The following LHX5 variants were observed in gnomAD, a reference collection of about 807,000 sequenced individuals.
The protein encoded by LHX5 is LIM/homeobox protein Lhx5.
In LHX5, 5 loss-of-function variants were observed where a neutral mutation model predicts 30.6. The ratio of observed to expected loss-of-function variants is 0.16; its 90% CI spans 0.09 to 0.34. The LOEUF (loss-of-function observed/expected upper bound fraction) is 0.34, where lower values mean the gene tolerates loss of function less well. LHX5 is among the 10% of genes least tolerant of loss of function. The probability of loss-of-function intolerance (pLI) is 1.00; values close to 1 mark genes in which losing one functional copy is unlikely to be tolerated. For synonymous variants in LHX5, 266 were observed against 252.6 expected (o/e 1.05, Z -0.50); for missense variants, 458 against 570.6 (o/e 0.80, Z 2.01).
Position 113,463,095 on chromosome 12 carries a change from G to C in LHX5, c.*95C>G, listed in dbSNP as rs1460638065. The C allele has an allele frequency of 4.6e-6, 5 of 1,075,996 alleles. No individual in the cohort carries two copies. In the African/African-American group the frequency reaches 8.5e-5, roughly 18 times the overall value. The allele number at this position is 1,075,996 out of a possible 1,614,324, so 66.7% of individuals were successfully genotyped here. On this transcript the variant is annotated 3_prime_UTR_variant, in exon 5 of 5. Transcript: ENST00000261731. The surrounding 1 kb of genome is among the most constrained non-coding windows in gnomAD (Gnocchi z 6.7). ...GAGAGAACCCCCGAGGGACACCCAC[G>C]TCTCCCACCGCGTCTGCGTCGGGCG...
Position 113,469,324 on chromosome 12 carries a change from G to A in LHX5, c.195C>T (p.Ala65=), listed in dbSNP as rs1421829792. The part of the protein sequence containing the change: ...DFFRRFGTKC[A]GCAQGISPSD... Reference sequence around the variant, plus strand: ...TGGGCGAGATGCCTTGCGCGCAGCCGGCGCATTTCGTGCCAAAGCGCCTGT... The same window carrying A: ...TGGGCGAGATGCCTTGCGCGCAGCCAGCGCATTTCGTGCCAAAGCGCCTGT... The change falls in exon 2 of 5, where the codon GCC becomes GCT. Residue 65 remains alanine (A), a synonymous_variant. Coordinates refer to ENST00000261731, the MANE Select transcript of LHX5 (RefSeq NM_022363.3). 6.2e-7 allele frequency: 1 copy of A among 1,613,364 alleles called. No homozygotes were observed. The highest frequency in any genetic ancestry group is 1.1e-5 in the South Asian group (1 of 91,038).
intron 3 of LHX5, 123 bp downstream of exon 3, chr12:113,468,004 C>A: frequency 7.6e-7 from 1 of 1,323,768 alleles, no homozygotes; most frequent in Non-Finnish European, 1.0e-6. Context: ...CTCGGGCGCA[C>A]GGTCTGCTCC....
chr12:113,469,887 C>G (rs1467206373), intron 1 of LHX5, among the ~76,000 whole-genome samples: 3 of 152,264 alleles, frequency 2.0e-5, no homozygotes, highest in Admixed American at 6.5e-5. Flanking sequence ...GAACCTTCCA[C>G]TGATTTCCAG....
Position 113,467,844 on chromosome 12 carries a change from C to G in LHX5, c.675+283G>C, listed in dbSNP as rs1301616275. Among the ~76,000 whole-genome samples the G allele has an allele frequency of 2.0e-5, 3 of 152,230 alleles. No homozygotes were observed. The highest frequency in any genetic ancestry group is 7.2e-5 in the African/African-American group (3 of 41,460). ...GTGGAGGTAAAGAGGGATCCCGGAC[C>G]CCAGAGAGGCTTACAACCTTCCATA... On this transcript the variant is annotated intron_variant, in intron 3 of 4. Coordinates refer to ENST00000261731, the MANE Select transcript of LHX5 (RefSeq NM_022363.3). The surrounding 1 kb of genome is among the most constrained non-coding windows in gnomAD (Gnocchi z 6.3).
chr12:113,463,407 G>C lies in LHX5; in HGVS notation c.992C>G (p.Ala331Gly), dbSNP rs769922418. ...TPLGALEPPL[A>G]GPHAADNPRF... ...GGGGTTGTCCGCGGCGTGCGGGCCG[G>C]CGAGCGGCGGTTCCAGCGCTCCCAG... is the stretch of plus-strand genomic sequence containing the variant. The change falls in exon 5 of 5, where the codon GCC becomes GGC. Residue 331 changes from alanine (A) to glycine (G), a missense_variant. Transcript: ENST00000261731. The surrounding 1 kb of genome is among the most constrained non-coding windows in gnomAD (Gnocchi z 6.7). 5.2e-6 allele frequency: 8 copies of C among 1,553,112 alleles called. No homozygotes were observed. The highest frequency in any genetic ancestry group is 7.0e-6 in the Non-Finnish European group (8 of 1,150,882).
rs945070292 is a variant in LHX5 at position 113,463,038 on chromosome 12, G to A, written c.*152C>T. ...GTCGGCCCCCCCTCGGCGCCCAGCC[G>A]AGGAGCAGCTGCCAGTTGAGTGCGG... On this transcript the variant is annotated 3_prime_UTR_variant, in exon 5 of 5. Coordinates refer to ENST00000261731, the MANE Select transcript of LHX5 (RefSeq NM_022363.3). The surrounding 1 kb of genome is among the most constrained non-coding windows in gnomAD (Gnocchi z 6.7). 6.7e-5 allele frequency: 46 copies of A among 689,820 alleles called. No individual in the cohort carries two copies. The highest frequency in any genetic ancestry group is 5.8e-5 in the Non-Finnish European group (26 of 448,910). 42.7% of individuals were successfully genotyped at this position (689,820 alleles called of 1,614,324 possible). A position where few individuals can be genotyped will look rare whatever the true frequency, so the allele number is the denominator to read the frequency against.
In LHX5 at chr12:113,467,793, G is replaced by A. The variant is rs767482027; in HGVS notation, c.675+334C>T. Among the ~76,000 whole-genome samples the A allele has an allele frequency of 1.3e-5, 2 of 152,260 alleles. No homozygotes were observed. The highest frequency in any genetic ancestry group is 2.9e-5 in the Non-Finnish European group (2 of 68,042). ...GCGCTTCGGCGCAGGGAGGGAGGGG[G>A]CATCGCCTGTTTCTCTGCTCGAAAG... On this transcript the variant is annotated intron_variant, in intron 3 of 4. Coordinates refer to ENST00000261731, the MANE Select transcript of LHX5 (RefSeq NM_022363.3). This position sits in a 1 kb window ranked among gnomAD's most constrained non-coding sequence, Gnocchi z 6.3.
In LHX5 at chr12:113,464,530, G is replaced by A. The variant is rs1301039491; in HGVS notation, c.842-973C>T. On this transcript the variant is annotated intron_variant, in intron 4 of 4. Transcript: ENST00000261731. This position sits in a 1 kb window ranked among gnomAD's most constrained non-coding sequence, Gnocchi z 6.2. ...CGCGTCGATCCCGGTGAGACCATTT[G>A]TACCGGCCTAGCCTAGCCTGAGAAA... Among the ~76,000 whole-genome samples, 1 of 152,200 alleles carries A rather than the reference G, an allele frequency of 6.6e-6. No individual in the cohort carries two copies. Among genetic ancestry groups the A allele is most frequent in the Non-Finnish European group, 1.5e-5 (1 of 68,036 alleles).
In LHX5 at chr12:113,468,268, G is replaced by C. The variant is rs781151764; in HGVS notation, c.534C>G (p.Thr178=). The C allele has an allele frequency of 5.0e-6, 8 of 1,614,022 alleles. No homozygotes were observed. In the African/African-American group the frequency reaches 9.3e-5, roughly 19 times the overall value. ...TGGTGGTGCGGGGGCCGCGCCGCTT[G>C]GTGCCCGAGTTCTGCTCCTCGTTCT... is the stretch of plus-strand genomic sequence containing the variant. ...NNENEEQNSG[T]KRRGPRTTIK... is the part of the protein sequence containing the mutation. Residue 178 remains threonine, a synonymous_variant, in exon 3 of 5, where the codon ACC becomes ACG. Coordinates refer to ENST00000261731, the MANE Select transcript of LHX5 (RefSeq NM_022363.3).
rs748426075 is a variant in LHX5, at chr12:113,471,313, C to A, written c.173+13G>T. 1.2e-6 allele frequency: 2 copies of A among 1,612,412 alleles called. No individual in the cohort carries two copies. Among genetic ancestry groups the A allele is most frequent in the South Asian group, 2.2e-5 (2 of 90,914 alleles). On this transcript the variant is annotated intron_variant, in intron 1 of 4. Transcript: ENST00000261731. ...GGTGGGCGCGCAGGCAGCAGAGCGG[C>A]GCGGCCTCTTACCTGAAAAAGTCAT...
At position 113,463,664 on chromosome 12, in the gene LHX5, C is replaced by T. The variant is rs1486821393; in HGVS notation, c.842-107G>A. 13 of 1,218,510 alleles carry T rather than the reference C, an allele frequency of 1.1e-5. No individual in the cohort carries two copies. The highest frequency in any genetic ancestry group is 1.3e-5 in the Non-Finnish European group (12 of 904,010). The allele number at this position is 1,218,510 out of a possible 1,614,324, so 75.5% of individuals were successfully genotyped here. A position where few individuals can be genotyped will look rare whatever the true frequency, so the allele number is the denominator to read the frequency against. On this transcript the variant is annotated intron_variant, in intron 4 of 4. Coordinates refer to ENST00000261731, the MANE Select transcript of LHX5 (RefSeq NM_022363.3). The surrounding 1 kb of genome is among the most constrained non-coding windows in gnomAD (Gnocchi z 6.7). Reference sequence around the variant, plus strand: ...CCCGGGCGGGCGAGAGAGGGGAGCGCGCGACACCGACCCAAGGTTAGAGAG... The same window carrying T: ...CCCGGGCGGGCGAGAGAGGGGAGCGTGCGACACCGACCCAAGGTTAGAGAG...
rs1349785377 is a variant in LHX5, at chr12:113,466,787, C to T, written c.841+469G>A. ...TCCACCTCATGCCAAGTACACCAGG[C>T]ACAGGGCGGCAGGAAGGCTGTGCGT... is the stretch of plus-strand genomic sequence containing the variant. On this transcript the variant is annotated intron_variant, in intron 4 of 4. Coordinates refer to ENST00000261731, the MANE Select transcript of LHX5 (RefSeq NM_022363.3). This position sits in a 1 kb window ranked among gnomAD's most constrained non-coding sequence, Gnocchi z 6.5. Among the ~76,000 whole-genome samples, 1 of 152,168 alleles carries T rather than the reference C, an allele frequency of 6.6e-6. No individual in the cohort carries two copies. Among genetic ancestry groups the T allele is most frequent in the Non-Finnish European group, 1.5e-5 (1 of 68,032 alleles).
chr12:113,466,224 CAA>C lies in LHX5; in HGVS notation c.841+1030_841+1031del, dbSNP rs1958214675. 6.6e-6 allele frequency among the ~76,000 whole-genome samples: 1 copy of C among 152,188 alleles called. No homozygotes were observed. Among genetic ancestry groups the C allele is most frequent in the Admixed American group, 6.5e-5 (1 of 15,282 alleles). ...GACATAGACAGTCCTGGGGTCTCTC[CAA>C]ATTCAGAAGCTTCAGAATAGAAGAG... On this transcript the variant is annotated intron_variant, in intron 4 of 4. Coordinates refer to ENST00000261731, the MANE Select transcript of LHX5 (RefSeq NM_022363.3). This position sits in a 1 kb window ranked among gnomAD's most constrained non-coding sequence, Gnocchi z 6.5.
chr12:113,470,368 T>C (rs1958241209), intron 1 of LHX5, among the ~76,000 whole-genome samples: 1 of 152,210 alleles, frequency 6.6e-6, no homozygotes, highest in African/African-American at 2.4e-5. Context: ...ATATGCACCT[T>C]ATCAAAAATC....
At position 113,464,051 on chromosome 12, in the gene LHX5, G is replaced by C. The variant is rs1958196256; in HGVS notation, c.842-494C>G. ...AAAGGCGGAAAAGAGACCCAGAGAC[G>C]CGGAGTCCGCGGCTGAGACCCGAAA... is the stretch of plus-strand genomic sequence containing the variant. On this transcript the variant is annotated intron_variant, in intron 4 of 4. Transcript: ENST00000261731. This position sits in a 1 kb window ranked among gnomAD's most constrained non-coding sequence, Gnocchi z 6.2. Among the ~76,000 whole-genome samples, 1 of 152,184 alleles carries C rather than the reference G, an allele frequency of 6.6e-6. No individual in the cohort carries two copies. The highest frequency in any genetic ancestry group is 1.5e-5 in the Non-Finnish European group (1 of 68,024).
intron 2 of LHX5, 146 bp downstream of exon 2, chr12:113,468,976 C>A: frequency 1.6e-6 from 1 of 635,692 alleles, no homozygotes. Flanking sequence ...GCCTCTAACC[C>A]CCTTGCCTTG....
At position 113,467,660 on chromosome 12, in the gene LHX5, G is replaced by A. The variant is rs1958223269; in HGVS notation, c.676-239C>T. 1.3e-5 allele frequency among the ~76,000 whole-genome samples: 2 copies of A among 152,216 alleles called. No homozygotes were observed. The highest frequency in any genetic ancestry group is 4.8e-5 in the African/African-American group (2 of 41,466). On this transcript the variant is annotated intron_variant, in intron 3 of 4. Transcript: ENST00000261731. The surrounding 1 kb of genome is among the most constrained non-coding windows in gnomAD (Gnocchi z 6.3). ...GACTCATAAAGACTTGGGCTTCCTG[G>A]TCCCCGGCTCGCCCGCGGCCTGACG...
rs61930469 is a variant in LHX5 at position 113,465,932 on chromosome 12, C to T, written c.841+1324G>A. ...GCGGCTGGGGCGCTCCAGCCTGAGC[C>T]CTGCCACTGCCTGGGGTCTCTGCCC... On this transcript the variant is annotated intron_variant, in intron 4 of 4. Coordinates refer to ENST00000261731, the MANE Select transcript of LHX5 (RefSeq NM_022363.3). The surrounding 1 kb of genome is among the most constrained non-coding windows in gnomAD (Gnocchi z 6.7). Among the ~76,000 whole-genome samples, 3,439 of 152,248 alleles carry T rather than the reference C, an allele frequency of 0.023. 58 individuals carry two copies. The highest frequency in any genetic ancestry group is 0.041 in the Middle Eastern group (12 of 294).
At chr12:113,470,950 C>A (rs1376247519) in intron 1 of LHX5, among the ~76,000 whole-genome samples, 2 of 152,160 alleles carry the variant, frequency 1.3e-5, no homozygotes, top group Non-Finnish European at 2.9e-5. Flanking sequence ...AGCCTTCAGG[C>A]GTCTCTAACT....
Sources: gnomAD v4.1 joint callset for allele counts (sites outside exome capture counted in the v4.1 genomes callset) on GRCh38, gnomAD v4.1.1 for gene constraint, Gnocchi (gnomAD v3.1) non-coding constraint, MANE v1.5 for transcripts, NCBI Gene and HGNC (gene_info 2026-07-23, HGNC 2026-07-21) for gene names.